The following TAOK3 variants were observed in gnomAD, a reference collection of about 807,000 sequenced individuals.
The protein encoded by TAOK3 is serine/threonine-protein kinase TAO3.
A neutral mutation model predicts 120.4 loss-of-function variants in TAOK3; 40 were observed. That is an observed-to-expected ratio of 0.33 (90% CI 0.26 to 0.43). The LOEUF (loss-of-function observed/expected upper bound fraction) is 0.43. Ranked by LOEUF, TAOK3 falls within the 20% of genes least tolerant of loss-of-function variation. TAOK3 has a pLI of 1.00. For synonymous variants in TAOK3, 355 were observed against 387.5 expected, an observed-to-expected ratio of 0.92 and a Z score of 0.99; for missense variants, 821 against 1,112.1, an observed-to-expected ratio of 0.74 and a Z score of 3.72.
intron 1 of TAOK3, among the ~76,000 whole-genome samples, chr12:118,340,563 T>C (rs548327268): frequency 2.9e-4 from 44 of 152,102 alleles, no homozygotes; most frequent in Non-Finnish European, 5.9e-4. Context: ...TCATAGATGG[T>C]TATTAAATAT....
intron 11 of TAOK3, among the ~76,000 whole-genome samples, chr12:118,208,865 C>A (rs778953468): frequency 2.6e-5 from 4 of 152,106 alleles, no homozygotes; most frequent in Non-Finnish European, 5.9e-5. Context: ...ACGCATGCCA[C>A]CATGCCCAGC....
At chr12:118,267,157 C>A (rs959665557) in intron 1 of TAOK3, among the ~76,000 whole-genome samples, 1 of 152,136 alleles carries the variant, frequency 6.6e-6, no homozygotes, top group African/African-American at 2.4e-5. Flanking sequence ...GATTACTCTA[C>A]CTTTCCTTTC....
intron 19 of TAOK3, among the ~76,000 whole-genome samples, chr12:118,155,987 A>G (rs994104851): frequency 1.3e-5 from 2 of 152,198 alleles, no homozygotes; most frequent in African/African-American, 4.8e-5. Flanking sequence ...CCCTTCCCAC[A>G]AAGTGCTGGG....
At chr12:118,152,656 G>C in intron 19 of TAOK3, 1 of 437,178 alleles carries the variant, frequency 2.3e-6, no homozygotes, top group South Asian at 4.1e-5. Flanking sequence ...GCGTCAGGAA[G>C]GCTACACCTG....
At chr12:118,199,304 G>A in intron 12 of TAOK3, 47 bp from the exon 13 acceptor site, 1 of 1,451,384 alleles carries the variant, frequency 6.9e-7, no homozygotes, top group Non-Finnish European at 9.6e-7. Flanking sequence ...TGAAGATAAA[G>A]AGTCAATCCA....
intron 5 of TAOK3, among the ~76,000 whole-genome samples, chr12:118,240,624 A>G (rs1268647849): frequency 2.6e-5 from 4 of 152,122 alleles, no homozygotes; most frequent in African/African-American, 9.7e-5. Context: ...GATTACAGGC[A>G]TAAGCCACTG....
rs560944903 is a variant in TAOK3 at position 118,207,214 on chromosome 12, T to A, written c.819+5700A>T. Among the ~76,000 whole-genome samples the A allele has an allele frequency of 4.9e-4, 74 of 149,988 alleles. 1 individual carries two copies. The highest frequency in any genetic ancestry group is 1.8e-3 in the African/African-American group (73 of 40,740). On this transcript the variant is annotated intron_variant, in intron 11 of 20. Transcript: ENST00000392533. ...GGTGGCACATGCCTGTAATCCCAGC[T>A]ACTAGGGAGGGCGAGGCAGGAGAAT...
chr12:118,332,975 A>AACACACACATACACACACACAC, intron 1 of TAOK3, among the ~76,000 whole-genome samples: 1 of 149,750 alleles, frequency 6.7e-6, no homozygotes, highest in South Asian at 2.1e-4. Context: ...CAACAGTTTC[A>AACACACACATACACACACACAC]ACACACACAC....
chr12:118,362,662 G>A (rs1359235283), intron 1 of TAOK3, among the ~76,000 whole-genome samples: 3 of 152,166 alleles, frequency 2.0e-5, no homozygotes, highest in Admixed American at 1.3e-4. Context: ...TCTGACTCAA[G>A]TGAACATCCA....
chr12:118,218,242 A>G (rs1353981431), intron 9 of TAOK3, among the ~76,000 whole-genome samples: 1 of 152,102 alleles, frequency 6.6e-6, no homozygotes, highest in Non-Finnish European at 1.5e-5. Context: ...GAATGGATTT[A>G]TATCTGTTTC....
In TAOK3 at chr12:118,150,956, CTTTTTTT is replaced by C. The variant is rs201481032; in HGVS notation, c.*34_*40del. The C allele has an allele frequency of 1.0e-3, 1,271 of 1,255,776 alleles. 4 individuals carry two copies. The highest frequency in any genetic ancestry group is 1.2e-3 in the South Asian group (75 of 61,996). 77.8% of individuals were successfully genotyped at this position (1,255,776 alleles called of 1,614,324 possible). A position where few individuals can be genotyped will look rare whatever the true frequency, so the allele number is the denominator to read the frequency against. On this transcript the variant is annotated 3_prime_UTR_variant, in exon 21 of 21. Transcript: ENST00000392533. ...CAGGGTCTGAATTTTTTTCTGTTTT[CTTTTTTT>C]TTTTTTTTTTTGTAAATGGCAAAAA... is the stretch of plus-strand genomic sequence containing the variant.
At chr12:118,265,227 A>G (rs2041392336) in intron 2 of TAOK3, among the ~76,000 whole-genome samples, 1 of 151,484 alleles carries the variant, frequency 6.6e-6, no homozygotes, top group Admixed American at 6.6e-5. Context: ...CGTCTCTACT[A>G]AAAATACAAA....
Position 118,199,186 on chromosome 12 carries a change from C to T in TAOK3, c.1059G>A (p.Met353Ile). Residue 353 changes from methionine (M) to isoleucine (I), a missense_variant, in exon 13 of 21, where the codon ATG becomes ATA. Met to Ile is a conservative substitution (Grantham distance 10, BLOSUM62 1). Transcript: ENST00000392533. ...TGCTCTGGCTGCCTGTGCTCACGGA[C>T]ATGCTTGGAATGGAATGGTTGCTGC... ...SLGSNHSIPSMSVSTGSQSSS... is the reference protein window; with the variant it reads ...SLGSNHSIPSISVSTGSQSSS... 6 of 1,614,126 alleles carry T rather than the reference C, an allele frequency of 3.7e-6. No individual in the cohort carries two copies. The highest frequency in any genetic ancestry group is 5.1e-6 in the Non-Finnish European group (6 of 1,180,010).
intron 13 of TAOK3, among the ~76,000 whole-genome samples, chr12:118,196,953 T>C (rs1016403353): frequency 1.3e-5 from 2 of 152,196 alleles, no homozygotes; most frequent in Non-Finnish European, 2.9e-5. Flanking sequence ...AAGTTTAATA[T>C]ACAAAATTTT....
At chr12:118,332,989 C>T (rs1458089899) in intron 1 of TAOK3, among the ~76,000 whole-genome samples, 1 of 152,078 alleles carries the variant, frequency 6.6e-6, no homozygotes, top group Non-Finnish European at 1.5e-5. Context: ...CACACACACA[C>T]ACACACAGAT....
At chr12:118,254,226 T>C (rs944319737) in intron 3 of TAOK3, among the ~76,000 whole-genome samples, 4 of 152,200 alleles carry the variant, frequency 2.6e-5, no homozygotes, top group Non-Finnish European at 4.4e-5. Context: ...AAATACTGAC[T>C]TGACATGATT....
intron 1 of TAOK3, among the ~76,000 whole-genome samples, chr12:118,268,923 G>A (rs978400434): frequency 1.6e-4 from 25 of 151,960 alleles, no homozygotes; most frequent in African/African-American, 5.8e-4. Context: ...CAGGAGAATC[G>A]CTTGAACCTG....
chr12:118,195,068 A>G (rs1473777553), intron 13 of TAOK3, among the ~76,000 whole-genome samples: 1 of 151,982 alleles, frequency 6.6e-6, no homozygotes, highest in Non-Finnish European at 1.5e-5. Context: ...TTTTTTAAAC[A>G]ATAGTTTCTG....
intron 15 of TAOK3, among the ~76,000 whole-genome samples, chr12:118,179,796 C>T (rs2036584137): frequency 6.6e-6 from 1 of 151,982 alleles, no homozygotes; most frequent in Non-Finnish European, 1.5e-5. Flanking sequence ...AGGCACCTGC[C>T]ACCATGCCCA....
Sources: gnomAD v4.1 joint callset for allele counts (sites outside exome capture counted in the v4.1 genomes callset) on GRCh38, gnomAD v4.1.1 for gene constraint, MANE v1.5 for transcripts, NCBI Gene and HGNC (gene_info 2026-07-23, HGNC 2026-07-21) for gene names.